The following GPR137B variants were observed in gnomAD, a reference collection of about 807,000 sequenced individuals.
GPR137B encodes the protein G protein-coupled receptor 137B.
GPR137B carries 42 observed loss-of-function variants against 42.5 expected under a neutral mutation model. That is an observed-to-expected ratio of 0.99 (90% CI 0.77 to 1.28). GPR137B has a LOEUF of 1.28. GPR137B is among the 50% of genes most tolerant of loss of function. The probability of loss-of-function intolerance (pLI) is 0.00; values close to 1 mark genes in which losing one functional copy is unlikely to be tolerated. For missense variants in GPR137B, 487 were observed against 493.9 expected (o/e 0.99, Z 0.13); for synonymous variants, 218 against 209.7 (o/e 1.04, Z -0.34).
rs539990213 is a variant in GPR137B, at chr1:236,183,763, G to A, written c.838-15G>A. 1 of 1,593,382 alleles carries A rather than the reference G, an allele frequency of 6.3e-7. No individual in the cohort carries two copies. The highest frequency in any genetic ancestry group is 1.3e-5 in the African/African-American group (1 of 74,430). ...TTCCCTTGGTCTGATGACTCTCCCT[G>A]TCTGTTTCTAACAGGCAGATTTGAA... On this transcript the variant is annotated splice_polypyrimidine_tract_variant and intron_variant, in intron 4 of 6. Transcript: ENST00000366592.
chr1:236,152,150 T>C (rs1661885503), intron 1 of GPR137B, among the ~76,000 whole-genome samples: 1 of 152,050 alleles, frequency 6.6e-6, no homozygotes, highest in Non-Finnish European at 1.5e-5. Context: ...ATTCAACAGG[T>C]GTTTTTTTTT....
chr1:236,144,073 T>C (rs1661613913), intron 1 of GPR137B, among the ~76,000 whole-genome samples: 1 of 133,012 alleles, frequency 7.5e-6, no homozygotes, highest in Non-Finnish European at 1.6e-5. Context: ...GGCATCTCAT[T>C]CCTTTTAAGT....
In GPR137B at chr1:236,186,285, A is replaced by ATAATATATATTATATAT. The variant is rs1491451716; in HGVS notation, c.966+2379_966+2380insTAATATATATTATATAT. Among the ~76,000 whole-genome samples the ATAATATATATTATATAT allele has an allele frequency of 2.1e-5, 2 of 96,482 alleles. 1 individual carries two copies. Among genetic ancestry groups the ATAATATATATTATATAT allele is most frequent in the African/African-American group, 7.9e-5 (2 of 25,414 alleles). 63.3% of individuals were successfully genotyped at this position (96,482 alleles called of 152,430 possible). A position where few individuals can be genotyped will look rare whatever the true frequency, so the allele number is the denominator to read the frequency against. Reference sequence around the variant, plus strand: ...TATTATATATTATATATAATAATATAAATAATATATAATATATATTATATA... The same window carrying ATAATATATATTATATAT: ...TATTATATATTATATATAATAATATATAATATATATTATATATAATAATATATAATATATATTATATA... On this transcript the variant is annotated intron_variant, in intron 5 of 6. Transcript: ENST00000366592.
At chr1:236,149,991 G>T (rs1444532192) in intron 1 of GPR137B, among the ~76,000 whole-genome samples, 1 of 151,168 alleles carries the variant, frequency 6.6e-6, no homozygotes, top group African/African-American at 2.4e-5. Context: ...TGTGGGGTTT[G>T]TGTATGTGTG....
chr1:236,185,636 GC>G (rs1440056745), intron 5 of GPR137B, among the ~76,000 whole-genome samples: 2 of 152,142 alleles, frequency 1.3e-5, no homozygotes, highest in Non-Finnish European at 2.9e-5. Flanking sequence ...GCTCACCTCA[GC>G]CTTGACCTCC....
At chr1:236,167,820 C>T (rs890947171) in intron 1 of GPR137B, among the ~76,000 whole-genome samples, 2 of 152,176 alleles carry the variant, frequency 1.3e-5, no homozygotes, top group Admixed American at 6.5e-5. Flanking sequence ...GCCTCCTTGT[C>T]TGGGGCGTGG....
intron 5 of GPR137B, among the ~76,000 whole-genome samples, chr1:236,184,770 GT>G (rs67144243): frequency 2.0e-5 from 3 of 150,546 alleles, no homozygotes; most frequent in African/African-American, 4.9e-5. Context: ...TTGCTTTTTG[GT>G]TTTTTTTTCT....
In GPR137B at chr1:236,171,741, A is replaced by T. The variant is rs552542708; in HGVS notation, c.464+2986A>T. Among the ~76,000 whole-genome samples, 1 of 152,258 alleles carries T rather than the reference A, an allele frequency of 6.6e-6. No homozygotes were observed. Among genetic ancestry groups the T allele is most frequent in the East Asian group, 1.9e-4 (1 of 5,170 alleles). ...TGGGGAGAAATAAATTTGGATCCAG[A>T]TGTTAAAAGTGAGATGTTTGGGACT... On this transcript the variant is annotated intron_variant, in intron 2 of 6. Transcript: ENST00000366592. This position sits in a 1 kb window ranked among gnomAD's most constrained non-coding sequence, Gnocchi z 4.4.
At chr1:236,176,378 G>A (rs894144464) in intron 2 of GPR137B, among the ~76,000 whole-genome samples, 1 of 152,080 alleles carries the variant, frequency 6.6e-6, no homozygotes, top group Non-Finnish European at 1.5e-5. Flanking sequence ...CTGGGGTGGC[G>A]GGTCCCCTCC....
chr1:236,162,586 G>C (rs555985136), intron 1 of GPR137B, among the ~76,000 whole-genome samples: 1 of 152,206 alleles, frequency 6.6e-6, no homozygotes, highest in Non-Finnish European at 1.5e-5. Flanking sequence ...TCCCCATGCT[G>C]TGTGCAGCCT....
At chr1:236,207,032 AATG>A in intron 6 of GPR137B, 1 of 459,332 alleles carries the variant, frequency 2.2e-6, no homozygotes, top group Non-Finnish European at 2.9e-6. Flanking sequence ...TCTGGGATGA[AATG>A]ATAAAAAATA....
intron 1 of GPR137B, among the ~76,000 whole-genome samples, chr1:236,158,296 G>A (rs964301701): frequency 1.3e-5 from 2 of 152,228 alleles, no homozygotes; most frequent in Admixed American, 6.5e-5. Flanking sequence ...GTGGTTGCAC[G>A]TGCCTATAAT....
At position 236,208,221 on chromosome 1, in the gene GPR137B, G is replaced by A; in HGVS notation, c.*63G>A. The A allele has an allele frequency of 6.4e-7, 1 of 1,570,958 alleles. No homozygotes were observed. The highest frequency in any genetic ancestry group is 8.6e-7 in the Non-Finnish European group (1 of 1,160,974). Reference sequence around the variant, plus strand: ...AAAGCTTCAGAAAAGCATAGTGACAGCTGAATTTTTAGGGCACTTTTCCTT... The same window carrying A: ...AAAGCTTCAGAAAAGCATAGTGACAACTGAATTTTTAGGGCACTTTTCCTT... On this transcript the variant is annotated 3_prime_UTR_variant, in exon 7 of 7. Transcript: ENST00000366592.
At chr1:236,177,898 C>CT (rs1196581458) in intron 2 of GPR137B, among the ~76,000 whole-genome samples, 1 of 151,818 alleles carries the variant, frequency 6.6e-6, no homozygotes, top group African/African-American at 2.4e-5. Context: ...TCTCTGGACT[C>CT]CACATCAATA....
intron 5 of GPR137B, among the ~76,000 whole-genome samples, chr1:236,197,740 G>T (rs1254197): frequency 0.37 from 55,452 of 151,798 alleles, 11,305 homozygotes; most frequent in East Asian, 0.61. Flanking sequence ...GTTCCATTGG[G>T]GTACCTGCCT....
intron 2 of GPR137B, among the ~76,000 whole-genome samples, chr1:236,169,314 AGCT>A (rs981500071): frequency 6.6e-6 from 1 of 152,054 alleles, no homozygotes; most frequent in Non-Finnish European, 1.5e-5. Context: ...GCCTTGTCTC[AGCT>A]GCTGGTAGGC....
chr1:236,143,759 T>C (rs1175600781), intron 1 of GPR137B, among the ~76,000 whole-genome samples: 1 of 152,246 alleles, frequency 6.6e-6, no homozygotes, highest in Non-Finnish European at 1.5e-5. Context: ...TGGGGCATAT[T>C]ATTAAATAAG....
intron 1 of GPR137B, among the ~76,000 whole-genome samples, chr1:236,160,715 T>C (rs1169841296): frequency 6.6e-6 from 1 of 152,096 alleles, no homozygotes; most frequent in Non-Finnish European, 1.5e-5. Context: ...CTGTTCCCCC[T>C]CCAGCCTCCC....
chr1:236,169,238 G>C (rs1041229728), intron 2 of GPR137B, among the ~76,000 whole-genome samples: 8 of 147,090 alleles, frequency 5.4e-5, no homozygotes, highest in Non-Finnish European at 1.0e-4. Flanking sequence ...ACAGGTGCAG[G>C]TGCAGGTGCA....
Sources: allele counts gnomAD v4.1 joint callset (sites outside exome capture counted in the v4.1 genomes callset), GRCh38; gene constraint gnomAD v4.1.1; non-coding constraint Gnocchi (gnomAD v3.1); transcripts MANE v1.5; gene names NCBI Gene and HGNC (gene_info 2026-07-23, HGNC 2026-07-21).